The following SATB1 variants were observed in gnomAD, a reference collection of about 807,000 sequenced individuals.
SATB1 encodes the protein SATB homeobox 1, also known as DNA-binding protein SATB1.
In SATB1, 11 loss-of-function variants were observed where a neutral mutation model predicts 86.9. The observed-to-expected ratio is 0.13, with a 90% CI of 0.08 to 0.21. The LOEUF (loss-of-function observed/expected upper bound fraction) is 0.21. SATB1 is among the 10% of genes least tolerant of loss of function. The pLI, the probability that SATB1 is intolerant of heterozygous loss-of-function variation, is 1.00. For synonymous variants in SATB1, 357 were observed against 357.2 expected (o/e 1.00, Z 0.01); for missense variants, 551 against 937.6 (o/e 0.59, Z 5.39).
intron 9 of SATB1, among the ~76,000 whole-genome samples, chr3:18,366,910 C>G (rs1695215474): frequency 6.6e-6 from 1 of 152,196 alleles, no homozygotes; most frequent in African/African-American, 2.4e-5. Context: ...AAACTCTTAC[C>G]TTTTGTTTCC....
intron 2 of SATB1, chr3:18,417,507 A>T: frequency 1.7e-6 from 1 of 603,624 alleles, no homozygotes; most frequent in Non-Finnish European, 2.9e-6. Flanking sequence ...TGATTTTGTT[A>T]ATAATAAACT....
At chr3:18,361,077 T>C (rs762370105) in intron 9 of SATB1, among the ~76,000 whole-genome samples, 3 of 151,210 alleles carry the variant, frequency 2.0e-5, no homozygotes, top group Non-Finnish European at 2.9e-5. Flanking sequence ...CAGTTGCTTT[T>C]GAACTGTCTA....
chr3:18,366,632 C>T (rs1245549402), intron 9 of SATB1, among the ~76,000 whole-genome samples: 4 of 152,100 alleles, frequency 2.6e-5, no homozygotes, highest in Non-Finnish European at 5.9e-5. Flanking sequence ...CAATGGAATT[C>T]GGCTCATCTC....
At chr3:18,400,464 G>T (rs1697201075) in intron 5 of SATB1, among the ~76,000 whole-genome samples, 2 of 152,194 alleles carry the variant, frequency 1.3e-5, no homozygotes, top group Non-Finnish European at 2.9e-5. Context: ...AAATGGGAAT[G>T]ATAATAGCAT....
At chr3:18,428,924 TA>T (rs1698800600), upstream of SATB1, among the ~76,000 whole-genome samples, 1 of 152,230 alleles carries the variant, frequency 6.6e-6, no homozygotes, top group South Asian at 2.1e-4. Flanking sequence ...CGAGTGCTTT[TA>T]AGATATAGCA....
intron 9 of SATB1, among the ~76,000 whole-genome samples, chr3:18,361,055 G>A (rs1259487830): frequency 1.3e-5 from 2 of 151,920 alleles, no homozygotes; most frequent in African/African-American, 2.4e-5. Context: ...GCAGGGGGCT[G>A]GGAAAACAGA....
At chr3:18,373,850 G>A (rs1285769954) in intron 9 of SATB1, among the ~76,000 whole-genome samples, 1 of 151,852 alleles carries the variant, frequency 6.6e-6, no homozygotes, top group Non-Finnish European at 1.5e-5. Context: ...ATATTTTTTT[G>A]TATTAAAAAC....
chr3:18,416,210 T>C (rs1299545255), intron 3 of SATB1, 77 bp from the exon 4 acceptor site: 1 of 1,169,062 alleles, frequency 8.6e-7, no homozygotes, highest in Non-Finnish European at 1.2e-6. Context: ...TGTTCTTTTC[T>C]TTTCTACTAC....
rs556812481 is a variant in SATB1, at chr3:18,382,872, G to A, written c.1419+3527C>T. Reference sequence around the variant, plus strand: ...TGCTTTTATTCTGAGGAGGTGGCTTGAAGTAGAGGAAGGAGCAAGAGACTT... The same window carrying A: ...TGCTTTTATTCTGAGGAGGTGGCTTAAAGTAGAGGAAGGAGCAAGAGACTT... On this transcript the variant is annotated intron_variant, in intron 8 of 10. Coordinates refer to ENST00000338745, the MANE Select transcript of SATB1 (RefSeq NM_002971.6). 2.0e-5 allele frequency among the ~76,000 whole-genome samples: 3 copies of A among 152,326 alleles called. No homozygotes were observed. The South Asian group carries it at 6.2e-4, about 32-fold the overall frequency.
In SATB1 at chr3:18,347,845, C is replaced by G. The variant is rs550280326; in HGVS notation, c.*1325G>C. ...ACTTGTCAATTGCTCTTTTTAAAAT[C>G]AGTGAAATAACAAGTTATTAACATG... On this transcript the variant is annotated 3_prime_UTR_variant, in exon 11 of 11. Transcript: ENST00000338745. 6.6e-6 allele frequency: 1 copy of G among 152,314 alleles called. No homozygotes were observed. Among genetic ancestry groups the G allele is most frequent in the African/African-American group, 2.4e-5 (1 of 41,574 alleles). The allele number at this position is 152,314 out of a possible 1,614,324, so 9.4% of individuals were successfully genotyped here.
At chr3:18,405,623 T>C (rs1019648436) in intron 5 of SATB1, among the ~76,000 whole-genome samples, 2 of 151,948 alleles carry the variant, frequency 1.3e-5, no homozygotes, top group African/African-American at 4.8e-5. Flanking sequence ...AAATACCTCC[T>C]GGCTTTTAGC....
upstream of SATB1, among the ~76,000 whole-genome samples, chr3:18,428,861 A>C (rs1379720572): frequency 2.0e-5 from 3 of 152,224 alleles, no homozygotes; most frequent in Non-Finnish European, 4.4e-5. Context: ...AAACACATTC[A>C]GAGTTCTGAA....
chr3:18,355,869 A>T (rs1374692164), intron 9 of SATB1, among the ~76,000 whole-genome samples: 1 of 152,032 alleles, frequency 6.6e-6, no homozygotes, highest in Non-Finnish European at 1.5e-5. Flanking sequence ...GGAACAACCT[A>T]AACTTTAAAT....
chr3:18,390,772 AG>A (rs1696617958), intron 7 of SATB1, among the ~76,000 whole-genome samples: 2 of 152,238 alleles, frequency 1.3e-5, no homozygotes, highest in African/African-American at 4.8e-5. Flanking sequence ...GGGAAGAAAA[AG>A]GGGAAAAAAG....
chr3:18,346,551 C>T lies in SATB1; in HGVS notation c.*2619G>A, dbSNP rs1313514515. The T allele has an allele frequency of 2.0e-5, 3 of 150,654 alleles. No homozygotes were observed. The highest frequency in any genetic ancestry group is 4.4e-5 in the Non-Finnish European group (3 of 67,738). The allele number at this position is 150,654 out of a possible 1,614,324, so 9.3% of individuals were successfully genotyped here. On this transcript the variant is annotated 3_prime_UTR_variant, in exon 11 of 11. Coordinates refer to ENST00000338745, the MANE Select transcript of SATB1 (RefSeq NM_002971.6). ...TTCCCTGAAAACAATTTTGCTCACTCCATCCTATCAGTTTATTAACATGTG... is the reference window on the plus strand; with the variant it reads ...TTCCCTGAAAACAATTTTGCTCACTTCATCCTATCAGTTTATTAACATGTG...
chr3:18,403,127 G>A (rs1371553286), intron 5 of SATB1, among the ~76,000 whole-genome samples: 1 of 152,080 alleles, frequency 6.6e-6, no homozygotes, highest in Non-Finnish European at 1.5e-5. Context: ...AATGGTGACT[G>A]CTGTATAAAA....
rs534871938 is a variant in SATB1, at chr3:18,444,579, A to G, written c.-25+939T>C. The G allele has an allele frequency of 2.0e-6, 2 of 984,938 alleles. No homozygotes were observed. The highest frequency in any genetic ancestry group is 4.7e-5 in the South Asian group (1 of 21,302). 61.0% of individuals were successfully genotyped at this position (984,938 alleles called of 1,614,324 possible). ...ATAAAACAGCAAGAGTAGCAAGGGG[A>G]AAAGGGAGGCAAAAGAGCAGAACTC... On this transcript the variant is annotated intron_variant, in intron 1 of 3. Transcript: ENST00000415069. The surrounding 1 kb of genome is among the most constrained non-coding windows in gnomAD (Gnocchi z 5.1).
intron 8 of SATB1, among the ~76,000 whole-genome samples, chr3:18,379,660 C>T (rs1056770134): frequency 6.6e-6 from 1 of 152,130 alleles, no homozygotes; most frequent in Non-Finnish European, 1.5e-5. Flanking sequence ...ATAGGAGATC[C>T]CTTTAAAATG....
chr3:18,432,287 G>A (rs773274010), intron 2 of SATB1, among the ~76,000 whole-genome samples: 1 of 152,092 alleles, frequency 6.6e-6, no homozygotes, highest in Non-Finnish European at 1.5e-5. Flanking sequence ...TTTTAATTCC[G>A]GTGAAATCGA....
Sources: gnomAD v4.1 joint callset for allele counts (sites outside exome capture counted in the v4.1 genomes callset) on GRCh38, gnomAD v4.1.1 for gene constraint, Gnocchi (gnomAD v3.1) non-coding constraint, MANE v1.5 for transcripts, NCBI Gene and HGNC (gene_info 2026-07-23, HGNC 2026-07-21) for gene names.